PACRG: variants seen among roughly 807,000 people sequenced by gnomAD.
PACRG encodes the protein parkin coregulated.
Under a neutral mutation model 29.7 loss-of-function variants are expected in PACRG, and 29 were observed. The ratio of observed to expected loss-of-function variants is 0.98; its 90% CI spans 0.73 to 1.33. PACRG has a LOEUF of 1.33. Ranked by LOEUF, PACRG falls within the 40% of genes most tolerant of loss-of-function variation. PACRG has a pLI of 0.00. For missense variants in PACRG, 279 were observed against 316.2 expected, an observed-to-expected ratio of 0.88 and a Z score of 0.89; for synonymous variants, 116 against 118.7, an observed-to-expected ratio of 0.98 and a Z score of 0.15.
At chr6:163,137,570 C>A (rs1012910417) in intron 4 of PACRG, among the ~76,000 whole-genome samples, 2 of 152,180 alleles carry the variant, frequency 1.3e-5, no homozygotes, top group African/African-American at 4.8e-5. Flanking sequence ...CCCCAAACCT[C>A]CCCTGGCTCT....
intron 2 of PACRG, among the ~76,000 whole-genome samples, chr6:162,880,246 T>C (rs749974798): frequency 2.0e-5 from 3 of 152,226 alleles, no homozygotes; most frequent in Non-Finnish European, 4.4e-5. Flanking sequence ...ATGGCAAACA[T>C]TTATTTAACA....
At chr6:162,958,910 G>T (rs1330364685) in intron 2 of PACRG, among the ~76,000 whole-genome samples, 17 of 135,936 alleles carry the variant, frequency 1.3e-4, no homozygotes, top group African/African-American at 4.2e-4. Context: ...GAGAGAGAGA[G>T]AGAGAGAGAG....
intron 2 of PACRG, among the ~76,000 whole-genome samples, chr6:162,988,281 A>G (rs1803088557): frequency 6.6e-6 from 1 of 152,180 alleles, no homozygotes; most frequent in Non-Finnish European, 1.5e-5. Flanking sequence ...CACTAGGGAC[A>G]CAGAGTGGGA....
intron 2 of PACRG, among the ~76,000 whole-genome samples, chr6:162,944,830 A>C (rs980447960): frequency 1.3e-5 from 2 of 152,106 alleles, no homozygotes; most frequent in Admixed American, 1.3e-4. Context: ...GACATATAAG[A>C]CACCATAAAG....
chr6:162,920,977 G>A (rs1032479010), intron 2 of PACRG, among the ~76,000 whole-genome samples: 1 of 152,010 alleles, frequency 6.6e-6, no homozygotes, highest in African/African-American at 2.4e-5. Context: ...CCAAAATAAT[G>A]TATCTATTAT....
chr6:163,027,894 T>C (rs2128225833), intron 2 of PACRG, among the ~76,000 whole-genome samples: 1 of 152,248 alleles, frequency 6.6e-6, no homozygotes. Flanking sequence ...TCTTTTCCAG[T>C]GGTAATAAGG....
rs1037768242 is a variant in PACRG, at chr6:162,912,780, C to T, written c.291+98499C>T. ...AGAGATGGGGTTTCACAATGTTGGC[C>T]GGGATGCTCTTGATCTCCTGACCTC... is the stretch of plus-strand genomic sequence containing the variant. On this transcript the variant is annotated intron_variant, in intron 2 of 4. Transcript: ENST00000366888. Among the ~76,000 whole-genome samples the T allele has an allele frequency of 6.6e-5, 10 of 151,746 alleles. 1 individual carries two copies. The highest frequency in any genetic ancestry group is 3.4e-3 in the Middle Eastern group (1 of 290).
At chr6:162,984,865 T>C (rs1441858334) in intron 2 of PACRG, among the ~76,000 whole-genome samples, 1 of 152,006 alleles carries the variant, frequency 6.6e-6, no homozygotes, top group East Asian at 1.9e-4. Context: ...TTGGTTTTTT[T>C]TTTTTCTTGC....
At chr6:163,280,090 C>G (rs1465988665) in intron 4 of PACRG, among the ~76,000 whole-genome samples, 1 of 152,190 alleles carries the variant, frequency 6.6e-6, no homozygotes, top group Non-Finnish European at 1.5e-5. Flanking sequence ...CCTTCCTTCA[C>G]CAAGCGTCTC....
intron 4 of PACRG, among the ~76,000 whole-genome samples, chr6:163,203,631 G>T (rs1206570593): frequency 2.0e-5 from 3 of 152,206 alleles, no homozygotes; most frequent in African/African-American, 4.8e-5. Flanking sequence ...TGAAGGAGAA[G>T]ATAATCCGCT....
chr6:163,235,029 G>C (rs1399643404), intron 4 of PACRG, among the ~76,000 whole-genome samples: 1 of 152,080 alleles, frequency 6.6e-6, no homozygotes, highest in East Asian at 1.9e-4. Context: ...AAAGATATGA[G>C]CTCCATGAAA....
chr6:163,108,209 C>T (rs529911721), intron 4 of PACRG, among the ~76,000 whole-genome samples: 1 of 151,900 alleles, frequency 6.6e-6, no homozygotes, highest in Non-Finnish European at 1.5e-5. Flanking sequence ...TGAGCTCTCA[C>T]GAGTTCTGGT....
In PACRG at chr6:163,216,907, G is replaced by A. The variant is rs148550330; in HGVS notation, c.614-97920G>A. Among the ~76,000 whole-genome samples, 698 of 152,280 alleles carry A rather than the reference G, an allele frequency of 4.6e-3. 5 individuals carry two copies. The highest frequency in any genetic ancestry group is 7.1e-3 in the Non-Finnish European group (483 of 68,018). On this transcript the variant is annotated intron_variant, in intron 4 of 4. Coordinates refer to ENST00000366888, the MANE Select transcript of PACRG (RefSeq NM_001080379.2). ...TATTCAATGTGCTTGCTTTCAACTT[G>A]CATTGTCTAATTAAATCCTCCAATA...
At chr6:163,031,675 G>A (rs1053244030) in intron 2 of PACRG, among the ~76,000 whole-genome samples, 7 of 152,164 alleles carry the variant, frequency 4.6e-5, no homozygotes, top group Non-Finnish European at 1.0e-4. Context: ...TGGCTTTGAT[G>A]GAACTCTATT....
At chr6:162,780,884 C>T (rs1034778742) in intron 1 of PACRG, among the ~76,000 whole-genome samples, 5 of 151,910 alleles carry the variant, frequency 3.3e-5, no homozygotes, top group Non-Finnish European at 7.4e-5. Flanking sequence ...AAAAAAAGAA[C>T]ATTTTTTCAG....
chr6:163,275,251 A>C (rs1454040664), intron 4 of PACRG, among the ~76,000 whole-genome samples: 2 of 152,194 alleles, frequency 1.3e-5, no homozygotes, highest in Non-Finnish European at 2.9e-5. Flanking sequence ...AGACAGCAGC[A>C]AATGAACTCT....
At position 162,874,775 on chromosome 6, in the gene PACRG, C is replaced by T. The variant is rs542527177; in HGVS notation, c.291+60494C>T. ...ACACTTACATATACATTCACACACT[C>T]GCACACACTTATTCCCACATCACAC... is the stretch of plus-strand genomic sequence containing the variant. On this transcript the variant is annotated intron_variant, in intron 2 of 4. Coordinates refer to ENST00000366888, the MANE Select transcript of PACRG (RefSeq NM_001080379.2). 2.8e-4 allele frequency among the ~76,000 whole-genome samples: 43 copies of T among 152,158 alleles called. No individual in the cohort carries two copies. In the South Asian group the frequency reaches 7.5e-3, roughly 26 times the overall value.
chr6:162,735,612 T>C (rs1780104118), intron 1 of PACRG, among the ~76,000 whole-genome samples: 1 of 152,204 alleles, frequency 6.6e-6, no homozygotes, highest in African/African-American at 2.4e-5. Flanking sequence ...TTATTTGTAG[T>C]ACTTTTTTCC....
At chr6:163,002,088 G>A (rs1274493196) in intron 2 of PACRG, among the ~76,000 whole-genome samples, 2 of 152,210 alleles carry the variant, frequency 1.3e-5, no homozygotes, top group African/African-American at 4.8e-5. Flanking sequence ...CTGAGTGAAG[G>A]CAAATTTTTC....
Sources: gnomAD v4.1 joint callset for allele counts (sites outside exome capture counted in the v4.1 genomes callset) on GRCh38, gnomAD v4.1.1 for gene constraint, MANE v1.5 for transcripts, NCBI Gene and HGNC (gene_info 2026-07-23, HGNC 2026-07-21) for gene names.